The following CNTN1 variants were observed in gnomAD, a reference collection of about 807,000 sequenced individuals.
CNTN1 encodes contactin 1.
In CNTN1, 38 loss-of-function variants were observed where a neutral mutation model predicts 126.4. That is an observed-to-expected ratio of 0.30 (90% confidence interval 0.23 to 0.39). The LOEUF (loss-of-function observed/expected upper bound fraction) is 0.39. Ranked by LOEUF, CNTN1 falls within the 10% of genes least tolerant of loss-of-function variation. The pLI, the probability that CNTN1 is intolerant of heterozygous loss-of-function variation, is 1.00. For missense variants in CNTN1, 1,009 were observed against 1,248.4 expected (o/e 0.81, Z 2.89); for synonymous variants, 413 against 422.6 (o/e 0.98, Z 0.28).
At chr12:40,898,041 T>C (rs542823335) in intron 1 of CNTN1, among the ~76,000 whole-genome samples, 2 of 152,314 alleles carry the variant, frequency 1.3e-5, no homozygotes, top group East Asian at 3.9e-4. Flanking sequence ...CCTTTCTCTA[T>C]TGCTACTTCC....
intron 1 of CNTN1, among the ~76,000 whole-genome samples, chr12:40,904,154 G>T (rs1478577211): frequency 1.3e-5 from 2 of 152,082 alleles, no homozygotes; most frequent in Non-Finnish European, 2.9e-5. Flanking sequence ...GAGTAGCTGG[G>T]ACTACAGGCG....
intron 1 of CNTN1, among the ~76,000 whole-genome samples, chr12:40,883,413 C>T (rs757045936): frequency 4.6e-5 from 7 of 151,480 alleles, no homozygotes; most frequent in Admixed American, 2.0e-4. Context: ...AAAGCATAAG[C>T]GTCATAATAT....
intron 1 of CNTN1, among the ~76,000 whole-genome samples, chr12:40,737,285 A>ATATG (rs1555148028): frequency 3.5e-5 from 5 of 141,172 alleles, no homozygotes; most frequent in East Asian, 2.1e-4. Flanking sequence ...TAGGATATAT[A>ATATG]TGTGTGTGTG....
intron 14 of CNTN1, among the ~76,000 whole-genome samples, chr12:40,957,013 T>G (rs1592320006): frequency 6.6e-6 from 1 of 151,434 alleles, no homozygotes; most frequent in East Asian, 2.0e-4. Context: ...AAGGGAGGGG[T>G]TAAGAATGTC....
At chr12:40,861,076 A>T (rs73273590) in intron 1 of CNTN1, among the ~76,000 whole-genome samples, 8,025 of 152,264 alleles carry the variant, frequency 0.053, 367 homozygotes, top group African/African-American at 0.12. Flanking sequence ...TTCAGAAATT[A>T]TCACTGTACA....
Position 41,029,096 on chromosome 12 carries a change from A to G in CNTN1, c.2857A>G (p.Lys953Glu). The change falls in exon 23 of 24, where the codon AAG becomes GAG. Residue 953 changes from lysine to glutamate, a missense_variant. Transcript: ENST00000551295. ...CAGACCTGATGGCCAGCATGATGGC[A>G]AGCTGTATTCAACTCACAAACACTC... Reference protein sequence around the residue: ...LYRPDGQHDGKLYSTHKHSIE... With the variant: ...LYRPDGQHDGELYSTHKHSIE... 1 of 1,614,112 alleles carries G rather than the reference A, an allele frequency of 6.2e-7. No homozygotes were observed. The highest frequency in any genetic ancestry group is 8.5e-7 in the Non-Finnish European group (1 of 1,179,986).
At chr12:40,753,194 C>T (rs1251397421) in intron 1 of CNTN1, among the ~76,000 whole-genome samples, 2 of 152,098 alleles carry the variant, frequency 1.3e-5, no homozygotes, top group Non-Finnish European at 2.9e-5. Flanking sequence ...AAACCTTATT[C>T]TTCCCTCCTC....
chr12:41,047,712 A>G (rs1451812998), intron 23 of CNTN1, among the ~76,000 whole-genome samples: 1 of 151,780 alleles, frequency 6.6e-6, no homozygotes, highest in Non-Finnish European at 1.5e-5. Context: ...TCTCTTTTAT[A>G]CTTCTTTCAT....
intron 1 of CNTN1, among the ~76,000 whole-genome samples, chr12:40,734,439 A>T (rs1168277899): frequency 6.6e-6 from 1 of 152,086 alleles, no homozygotes; most frequent in Non-Finnish European, 1.5e-5. Flanking sequence ...ACTGAGCAAG[A>T]CCCTGAAAAG....
At chr12:40,968,654 C>T (rs1947388686) in intron 15 of CNTN1, among the ~76,000 whole-genome samples, 1 of 152,084 alleles carries the variant, frequency 6.6e-6, no homozygotes, top group Non-Finnish European at 1.5e-5. Context: ...ATAAATTTTA[C>T]CACGTCATCC....
chr12:40,827,463 T>C (rs1941652325), intron 1 of CNTN1, among the ~76,000 whole-genome samples: 1 of 152,226 alleles, frequency 6.6e-6, no homozygotes, highest in African/African-American at 2.4e-5. Context: ...ATTTTCTCTT[T>C]CTTTCATTTA....
intron 1 of CNTN1, among the ~76,000 whole-genome samples, chr12:40,852,244 G>C (rs894661661): frequency 6.6e-6 from 1 of 152,126 alleles, no homozygotes; most frequent in African/African-American, 2.4e-5. Context: ...TGTCAGACCC[G>C]ATCAAATTAA....
chr12:40,937,398 T>C (rs773507359), intron 10 of CNTN1, among the ~76,000 whole-genome samples, 172 bp from the exon 11 acceptor site: 2 of 152,142 alleles, frequency 1.3e-5, no homozygotes, highest in Non-Finnish European at 2.9e-5. Context: ...TTGGGCATGG[T>C]AAGTGGGTTT....
At chr12:40,898,007 T>C (rs17128913) in intron 1 of CNTN1, among the ~76,000 whole-genome samples, 10,892 of 152,254 alleles carry the variant, frequency 0.072, 588 homozygotes, top group Admixed American at 0.17. Flanking sequence ...TTCAAGGGTC[T>C]CTGAATTTGA....
chr12:40,715,312 C>T (rs750644333), intron 1 of CNTN1, among the ~76,000 whole-genome samples: 2 of 152,106 alleles, frequency 1.3e-5, no homozygotes, highest in Non-Finnish European at 2.9e-5. Flanking sequence ...TTAGTGCCAA[C>T]ACTTCTCTGT....
chr12:41,008,452 A>G lies in CNTN1; in HGVS notation c.2114-5776A>G, dbSNP rs76445321. ...ACATATATACCCCCGTTGCTTTGCC[A>G]TTAGGGGATAATTTCTGGTCTAGGT... On this transcript the variant is annotated intron_variant, in intron 17 of 23. Transcript: ENST00000551295. Among the ~76,000 whole-genome samples, 1,014 of 152,156 alleles carry G rather than the reference A, an allele frequency of 6.7e-3. 15 individuals carry two copies. The highest frequency in any genetic ancestry group is 0.022 in the African/African-American group (927 of 41,498).
At chr12:40,865,574 G>C (rs184457510) in intron 1 of CNTN1, among the ~76,000 whole-genome samples, 1 of 152,020 alleles carries the variant, frequency 6.6e-6, no homozygotes, top group East Asian at 1.9e-4. Context: ...ATATTTAGTT[G>C]TTTCAGTACC....
intron 23 of CNTN1, among the ~76,000 whole-genome samples, chr12:41,031,415 T>A (rs184831890): frequency 6.6e-6 from 1 of 152,328 alleles, no homozygotes; most frequent in East Asian, 1.9e-4. Context: ...TTGACAACAT[T>A]ATAATATAGT....
rs1037017452 is a variant in CNTN1, at chr12:40,843,881, T to G, written c.-76-64476T>G. 2.0e-5 allele frequency among the ~76,000 whole-genome samples: 3 copies of G among 152,052 alleles called. 1 individual carries two copies. Among genetic ancestry groups the G allele is most frequent in the Non-Finnish European group, 4.4e-5 (3 of 68,002 alleles). ...AATCCTTGAGAGGAGTAGAACTAAG[T>G]AGAAATAATAATAAAGATTTTGAGA... On this transcript the variant is annotated intron_variant, in intron 1 of 23. Transcript: ENST00000551295.
Sources: allele counts gnomAD v4.1 joint callset (sites outside exome capture counted in the v4.1 genomes callset), GRCh38; gene constraint gnomAD v4.1.1; transcripts MANE v1.5; gene names NCBI Gene and HGNC (gene_info 2026-07-23, HGNC 2026-07-21).